LGALS9: variants seen among roughly 807,000 people sequenced by gnomAD.
LGALS9 encodes the protein galectin-9.
Under a neutral mutation model 35.9 loss-of-function variants are expected in LGALS9, and 26 were observed. That is an observed-to-expected ratio of 0.72 (90% CI 0.53 to 1.01). The LOEUF (loss-of-function observed/expected upper bound fraction) is 1.01. Ranked by LOEUF, LGALS9 falls within the 50% of genes least tolerant of loss-of-function variation. The probability of loss-of-function intolerance (pLI) is 0.00; values close to 1 mark genes in which losing one functional copy is unlikely to be tolerated. For missense variants in LGALS9, 347 were observed against 445.8 expected, an observed-to-expected ratio of 0.78 and a Z score of 1.99; for synonymous variants, 149 against 172.2, an observed-to-expected ratio of 0.87 and a Z score of 1.06.
At chr17:27,641,393 A>C (rs1388772927) in intron 3 of LGALS9, among the ~76,000 whole-genome samples, 2 of 152,192 alleles carry the variant, frequency 1.3e-5, no homozygotes, top group Non-Finnish European at 2.9e-5. Flanking sequence ...AGGAACATGG[A>C]TGGAGCTGGA....
Position 27,640,693 on chromosome 17 carries a change from G to A in LGALS9, c.253G>A (p.Glu85Lys), listed in dbSNP as rs138238711. 113 of 1,614,226 alleles carry A rather than the reference G, an allele frequency of 7.0e-5. No individual in the cohort carries two copies. In the Middle Eastern group the frequency reaches 2.5e-3, roughly 35 times the overall value. ...GAGGCAGAACGGAAGCTGGGGGCCC[G>A]AGGAGAGGAAGACACACATGCCTTT... ...NTRQNGSWGP[E>K]ERKTHMPFQK... The change falls in exon 3 of 11, where the codon GAG (glutamate) becomes AAG (lysine). Residue 85 changes from glutamate (E) to lysine (K), a missense_variant. Physicochemically the swap from Glu to Lys is moderately conservative, Grantham distance 56. Transcript: ENST00000395473.
At position 27,647,016 on chromosome 17, in the gene LGALS9, C is replaced by T. The variant is rs1431229840; in HGVS notation, c.670-14C>T. 2.5e-6 allele frequency: 4 copies of T among 1,613,968 alleles called. No individual in the cohort carries two copies. The highest frequency in any genetic ancestry group is 1.7e-4 in the Middle Eastern group (1 of 6,056). On this transcript the variant is annotated splice_polypyrimidine_tract_variant and intron_variant, in intron 8 of 10. Coordinates refer to ENST00000395473, the MANE Select transcript of LGALS9 (RefSeq NM_009587.3). ...TTCCGCGTGGTGGCTGACCTGTCCC[C>T]CTTCTTCCGACAGCCGATGCCTTTC...
chr17:27,634,833 C>T (rs1435481652), intron 1 of LGALS9, among the ~76,000 whole-genome samples: 1 of 152,156 alleles, frequency 6.6e-6, no homozygotes, highest in African/African-American at 2.4e-5. Flanking sequence ...GGGGGTGGCC[C>T]ACTGGTAACC....
At chr17:27,639,294 G>A (rs1487173946) in intron 2 of LGALS9, among the ~76,000 whole-genome samples, 1 of 152,040 alleles carries the variant, frequency 6.6e-6, no homozygotes, top group Non-Finnish European at 1.5e-5. Flanking sequence ...CTCCAACCAG[G>A]GGAATCAGGA....
Position 27,646,023 on chromosome 17 carries a change from G to C in LGALS9, c.627+112G>C. The stretch of plus-strand genomic sequence containing the variant: ...AGAAAGCGGTTTAGCAAGGAGGATG[G>C]GGACACTAGGGGCTGAGTGCTTGGC... On this transcript the variant is annotated intron_variant, in intron 7 of 10. Coordinates refer to ENST00000395473, the MANE Select transcript of LGALS9 (RefSeq NM_009587.3). 3.4e-6 allele frequency: 4 copies of C among 1,179,348 alleles called. No individual in the cohort carries two copies. The South Asian group carries it at 5.2e-5, about 15-fold the overall frequency. 73.1% of individuals were successfully genotyped at this position (1,179,348 alleles called of 1,614,324 possible).
chr17:27,639,768 C>T (rs1009282523), intron 2 of LGALS9, among the ~76,000 whole-genome samples: 5 of 151,950 alleles, frequency 3.3e-5, no homozygotes, highest in African/African-American at 7.3e-5. Context: ...GATGGAGTCT[C>T]GCTCTGCCAC....
At chr17:27,640,859 A>T (rs1466125661) in intron 3 of LGALS9, 86 bp downstream of exon 3, 1 of 1,564,120 alleles carries the variant, frequency 6.4e-7, no homozygotes, top group African/African-American at 1.4e-5. Context: ...ACCTAAATTG[A>T]CATTCAGCCA....
At chr17:27,646,489 G>A in intron 7 of LGALS9, 58 bp from the exon 8 acceptor site, 1 of 1,611,126 alleles carries the variant, frequency 6.2e-7, no homozygotes, top group Non-Finnish European at 8.5e-7. Context: ...GTGCGCCTGG[G>A]TGAGTGCTCG....
intron 1 of LGALS9, among the ~76,000 whole-genome samples, chr17:27,632,801 C>T (rs1156684751): frequency 6.6e-6 from 1 of 152,208 alleles, no homozygotes; most frequent in Non-Finnish European, 1.5e-5. Flanking sequence ...TATGGGTGTC[C>T]AGAGTACCCC....
chr17:27,635,409 C>A (rs1472045532), intron 1 of LGALS9, among the ~76,000 whole-genome samples: 1 of 151,632 alleles, frequency 6.6e-6, no homozygotes, highest in Non-Finnish European at 1.5e-5. Flanking sequence ...CCTCACTGAA[C>A]TCCAGCCTGG....
chr17:27,640,456 A>C, intron 2 of LGALS9, 116 bp from the exon 3 acceptor site: 3 of 1,455,450 alleles, frequency 2.1e-6, no homozygotes, highest in Non-Finnish European at 2.9e-6. Flanking sequence ...AGTCTCTGCC[A>C]TACAGGTTGT....
At chr17:27,639,250 G>A (rs1567913846) in intron 2 of LGALS9, among the ~76,000 whole-genome samples, 1 of 152,164 alleles carries the variant, frequency 6.6e-6, no homozygotes, top group African/African-American at 2.4e-5. Context: ...CTCAGGAGAT[G>A]CCAAGGGCAG....
rs138666349 is a variant in LGALS9, at chr17:27,648,946, G to C, written c.1032G>C (p.Val344=). Residue 344 remains valine, a synonymous_variant, in exon 11 of 11, where the codon GTG becomes GTC. Coordinates refer to ENST00000395473, the MANE Select transcript of LGALS9 (RefSeq NM_009587.3). ...RNLPTINRLE[V]GGDIQLTHVQ... ...TGCCCACCATCAACAGACTGGAAGT[G>C]GGGGGCGACATCCAGCTGACCCATG... 6.8e-6 allele frequency: 11 copies of C among 1,613,842 alleles called. No individual in the cohort carries two copies. Among genetic ancestry groups the C allele is most frequent in the African/African-American group, 4.0e-5 (3 of 74,900 alleles).
chr17:27,633,486 A>G (rs2074411982), intron 1 of LGALS9, among the ~76,000 whole-genome samples: 1 of 152,220 alleles, frequency 6.6e-6, no homozygotes, highest in African/African-American at 2.4e-5. Flanking sequence ...GCTGGCACGC[A>G]GTCTTGGCCA....
intron 8 of LGALS9, 86 bp downstream of exon 8, chr17:27,646,674 C>T (rs1904974149): frequency 3.1e-6 from 5 of 1,594,572 alleles, no homozygotes; most frequent in Non-Finnish European, 4.3e-6. Flanking sequence ...ATCCACTGGC[C>T]TTGAAAAATT....
chr17:27,640,692 C>T lies in LGALS9; in HGVS notation c.252C>T (p.Pro84=), dbSNP rs150450759. The T allele has an allele frequency of 2.0e-5, 33 of 1,614,074 alleles. No individual in the cohort carries two copies. Among genetic ancestry groups the T allele is most frequent in the African/African-American group, 2.7e-5 (2 of 74,920 alleles). The part of the protein sequence containing the change: ...CNTRQNGSWG[P]EERKTHMPFQ... ...CGAGGCAGAACGGAAGCTGGGGGCCCGAGGAGAGGAAGACACACATGCCTT... is the reference window on the plus strand; with the variant it reads ...CGAGGCAGAACGGAAGCTGGGGGCCTGAGGAGAGGAAGACACACATGCCTT... Residue 84 remains proline (P), a synonymous_variant, in exon 3 of 11, where the codon CCC becomes CCT. Transcript: ENST00000395473.
intron 1 of LGALS9, among the ~76,000 whole-genome samples, chr17:27,636,083 C>T (rs2074447914): frequency 6.6e-6 from 1 of 151,944 alleles, no homozygotes; most frequent in South Asian, 2.1e-4. Flanking sequence ...CTAACTGAAT[C>T]AGATCCCAGA....
chr17:27,631,785 A>T (rs1305322233), intron 1 of LGALS9, among the ~76,000 whole-genome samples: 1 of 151,950 alleles, frequency 6.6e-6, no homozygotes, highest in Non-Finnish European at 1.5e-5. Flanking sequence ...CAGGGTTGGG[A>T]TATGGATTAA....
At chr17:27,631,396 G>A (rs912804951) in intron 1 of LGALS9, 92 bp downstream of exon 1, 3 of 1,531,130 alleles carry the variant, frequency 2.0e-6, no homozygotes, top group Non-Finnish European at 2.7e-6. Context: ...GGCAGGGGAT[G>A]GGGGTGGGGG....
Sources: gnomAD v4.1 joint callset for allele counts (sites outside exome capture counted in the v4.1 genomes callset) on GRCh38, gnomAD v4.1.1 for gene constraint, MANE v1.5 for transcripts, NCBI Gene and HGNC (gene_info 2026-07-23, HGNC 2026-07-21) for gene names.